Variants in PDZD2 observed in about 807,000 individuals in gnomAD.
PDZD2 encodes the protein PDZ domain-containing protein 2.
PDZD2 carries 90 observed loss-of-function variants against 220.7 expected under a neutral mutation model. The ratio of observed to expected loss-of-function variants is 0.41; its 90% CI spans 0.34 to 0.49. The LOEUF (loss-of-function observed/expected upper bound fraction) is 0.49, where lower values mean the gene tolerates loss of function less well. Among genes scored for constraint, PDZD2 ranks in the 20% least tolerant of loss-of-function variants. The probability of loss-of-function intolerance (pLI) is 0.28; values close to 1 mark genes in which losing one functional copy is unlikely to be tolerated. For missense variants in PDZD2, 3,174 were observed against 3,608.5 expected (o/e 0.88, Z 3.08); for synonymous variants, 1,375 against 1,450.5 (o/e 0.95, Z 1.18).
At chr5:31,848,099 G>A (rs1757693635) in intron 2 of PDZD2, 1 of 322,234 alleles carries the variant, frequency 3.1e-6, no homozygotes, top group Non-Finnish European at 6.0e-6. Context: ...GAAAGATCAG[G>A]TAGCTCAAAA....
intron 10 of PDZD2, among the ~76,000 whole-genome samples, chr5:32,054,966 T>G (rs989705180): frequency 6.6e-6 from 1 of 152,192 alleles, no homozygotes; most frequent in African/African-American, 2.4e-5. Flanking sequence ...AACCCAGCTT[T>G]GTGATTCCAA....
intron 2 of PDZD2, among the ~76,000 whole-genome samples, chr5:31,892,653 G>A (rs1335464520): frequency 3.4e-5 from 5 of 146,116 alleles, no homozygotes; most frequent in Non-Finnish European, 7.4e-5. Flanking sequence ...CTGCAGCCTC[G>A]ACATCCCGGA....
chr5:32,089,245 C>G lies in PDZD2; in HGVS notation c.5797C>G (p.Gln1933Glu). 6.2e-7 allele frequency: 1 copy of G among 1,614,166 alleles called. No homozygotes were observed. The highest frequency in any genetic ancestry group is 1.1e-5 in the South Asian group (1 of 91,076). ...SHKTLSKAVS[Q>E]RLHVADHEDP... is the part of the protein sequence containing the mutation. The stretch of plus-strand genomic sequence containing the variant: ...CAAAACACTTTCTAAGGCAGTGTCA[C>G]AGCGGCTCCATGTAGCCGACCACGA... The change falls in exon 20 of 25, where the codon CAG (glutamine) becomes GAG (glutamate). Residue 1933 changes from glutamine to glutamate, a missense_variant. Transcript: ENST00000438447.
chr5:31,860,939 T>C (rs1737645327), intron 2 of PDZD2, among the ~76,000 whole-genome samples: 1 of 152,170 alleles, frequency 6.6e-6, no homozygotes, highest in African/African-American at 2.4e-5. Flanking sequence ...GAAGCATTGT[T>C]CTCTGAGATG....
intron 3 of PDZD2, among the ~76,000 whole-genome samples, chr5:31,991,472 C>T (rs1216970989): frequency 1.3e-5 from 2 of 152,120 alleles, no homozygotes; most frequent in African/African-American, 4.8e-5. Flanking sequence ...TGTGGATCAT[C>T]TTTAGCCTGA....
intron 2 of PDZD2, among the ~76,000 whole-genome samples, chr5:31,853,219 G>T (rs768682077): frequency 5.9e-5 from 9 of 152,120 alleles, no homozygotes; most frequent in Non-Finnish European, 1.2e-4. Flanking sequence ...AATACCCTTG[G>T]TTTTTTCTGA....
chr5:31,983,669 T>A lies in PDZD2; in HGVS notation c.978+13T>A, dbSNP rs1244296080. On this transcript the variant is annotated intron_variant, in intron 3 of 24. Coordinates refer to ENST00000438447, the MANE Select transcript of PDZD2 (RefSeq NM_178140.4). The stretch of plus-strand genomic sequence containing the variant: ...CTGCCTGGCACGGGTAAGGTTTGGT[T>A]TGATTATGGAACCAGAATTTTATTT... 2.5e-6 allele frequency: 4 copies of A among 1,603,474 alleles called. No individual in the cohort carries two copies. Among genetic ancestry groups the A allele is most frequent in the East Asian group, 2.2e-5 (1 of 44,720 alleles).
At position 31,677,367 on chromosome 5, in the gene PDZD2, G is replaced by A. The variant is rs1185118150; in HGVS notation, c.-361+37930G>A. Among the ~76,000 whole-genome samples the A allele has an allele frequency of 1.9e-3, 4 of 2,126 alleles. 2 individuals carry two copies. The highest frequency in any genetic ancestry group is 2.4e-3 in the African/African-American group (4 of 1,676). The allele number at this position is 2,126 out of a possible 152,430, so 1.4% of individuals were successfully genotyped here. ...CGCAGTGGCTCACGCCTGTAATCCC[G>A]GCACTTTGGGAGGCCGAGGCGGGCG... On this transcript the variant is annotated intron_variant, in intron 1 of 24. Coordinates refer to ENST00000438447, the MANE Select transcript of PDZD2 (RefSeq NM_178140.4).
intron 2 of PDZD2, among the ~76,000 whole-genome samples, chr5:31,932,271 G>A (rs963360298): frequency 2.6e-5 from 4 of 152,144 alleles, no homozygotes; most frequent in African/African-American, 9.7e-5. Flanking sequence ...AAACCAAACC[G>A]GGTGCAGTGG....
At chr5:32,001,410 C>T (rs1318124129) in intron 5 of PDZD2, among the ~76,000 whole-genome samples, 14 of 152,110 alleles carry the variant, frequency 9.2e-5, no homozygotes, top group Admixed American at 5.9e-4. Flanking sequence ...CGCTGTGAAT[C>T]CTGTTTGCCC....
intron 2 of PDZD2, among the ~76,000 whole-genome samples, chr5:31,915,198 G>A (rs1743574938): frequency 6.6e-6 from 1 of 152,126 alleles, no homozygotes; most frequent in African/African-American, 2.4e-5. Flanking sequence ...TCCAATTGGA[G>A]AAGCATCCCT....
At chr5:31,920,412 G>C (rs1232936531) in intron 2 of PDZD2, among the ~76,000 whole-genome samples, 1 of 151,548 alleles carries the variant, frequency 6.6e-6, no homozygotes, top group East Asian at 1.9e-4. Context: ...CACTGGGGTG[G>C]TGCATTTGTT....
At chr5:31,969,122 G>A (rs1249647099) in intron 2 of PDZD2, among the ~76,000 whole-genome samples, 2 of 152,154 alleles carry the variant, frequency 1.3e-5, no homozygotes, top group Non-Finnish European at 2.9e-5. Flanking sequence ...GAAGGGATGT[G>A]TGAGATGCTA....
At chr5:31,668,525 G>A (rs1263586274) in intron 1 of PDZD2, among the ~76,000 whole-genome samples, 4 of 152,152 alleles carry the variant, frequency 2.6e-5, no homozygotes, top group African/African-American at 7.2e-5. Context: ...GAAATCTTTT[G>A]CCTTGTGTTT....
At chr5:31,767,660 G>A (rs74893249) in intron 1 of PDZD2, among the ~76,000 whole-genome samples, 1 of 152,160 alleles carries the variant, frequency 6.6e-6, no homozygotes, top group African/African-American at 2.4e-5. Flanking sequence ...AACGTAAGAT[G>A]GAGACTATGT....
At chr5:31,733,751 C>G (rs986427535) in intron 1 of PDZD2, among the ~76,000 whole-genome samples, 2 of 152,190 alleles carry the variant, frequency 1.3e-5, no homozygotes, top group Non-Finnish European at 2.9e-5. Context: ...GTGTTGAGAG[C>G]TATCGCCGTT....
At chr5:31,880,703 G>T (rs1271457201) in intron 2 of PDZD2, among the ~76,000 whole-genome samples, 1 of 150,186 alleles carries the variant, frequency 6.7e-6, no homozygotes, top group Non-Finnish European at 1.5e-5. Context: ...CCAAATGGAA[G>T]CTGTAAATAT....
chr5:31,852,887 GCGCCTGGCCCA>G (rs1360369086), intron 2 of PDZD2, among the ~76,000 whole-genome samples: 1 of 152,164 alleles, frequency 6.6e-6, no homozygotes, highest in Non-Finnish European at 1.5e-5. Context: ...GTGAGCCACT[GCGCCTGGCCCA>G]TACATTTACT....
chr5:32,018,778 C>T (rs1753971592), intron 6 of PDZD2, among the ~76,000 whole-genome samples: 1 of 152,244 alleles, frequency 6.6e-6, no homozygotes, highest in Non-Finnish European at 1.5e-5. Flanking sequence ...TCAGCTGGCA[C>T]AGGACGTATA....
Sources: allele counts gnomAD v4.1 joint callset (sites outside exome capture counted in the v4.1 genomes callset), GRCh38; gene constraint gnomAD v4.1.1; transcripts MANE v1.5; gene names NCBI Gene and HGNC (gene_info 2026-07-23, HGNC 2026-07-21).